The following RBFOX1 variants were observed in gnomAD, a reference collection of about 807,000 sequenced individuals.
RBFOX1 encodes RNA binding fox-1 homolog 1.
RBFOX1 carries 8 observed loss-of-function variants against 57.7 expected under a neutral mutation model. That is an observed-to-expected ratio of 0.14 (90% CI 0.08 to 0.25). The LOEUF is 0.25. RBFOX1 is among the 10% of genes least tolerant of loss of function. The pLI is 1.00. For missense variants in RBFOX1, 611 were observed against 548.5 expected (o/e 1.11, Z -1.14); for synonymous variants, 326 against 222.4 (o/e 1.47, Z -4.15).
intron 4 of RBFOX1, among the ~76,000 whole-genome samples, chr16:7,097,330 A>T (rs955361634): frequency 3.3e-5 from 5 of 152,064 alleles, no homozygotes; most frequent in African/African-American, 1.2e-4. Context: ...GGTCAGAGAG[A>T]GAGAGAGTTC....
At chr16:7,550,074 C>A (rs145570354) in intron 5 of RBFOX1, among the ~76,000 whole-genome samples, 8 of 152,124 alleles carry the variant, frequency 5.3e-5, no homozygotes, top group African/African-American at 1.9e-4. Context: ...GGAACACAGG[C>A]ACACAACACC....
intron 2 of RBFOX1, among the ~76,000 whole-genome samples, chr16:5,489,782 T>C (rs1277993459): frequency 6.6e-6 from 1 of 152,148 alleles, no homozygotes; most frequent in Non-Finnish European, 1.5e-5. Context: ...GGCAAATAGG[T>C]TCCTCAGGGT....
At chr16:6,814,002 C>A (rs553179015) in intron 3 of RBFOX1, among the ~76,000 whole-genome samples, 4 of 151,206 alleles carry the variant, frequency 2.6e-5, no homozygotes, top group African/African-American at 9.7e-5. Flanking sequence ...ATCTGAGGAC[C>A]GGTTCAGTGA....
chr16:5,447,706 C>G (rs182142411), intron 1 of RBFOX1, among the ~76,000 whole-genome samples: 1 of 152,226 alleles, frequency 6.6e-6, no homozygotes, highest in Admixed American at 6.5e-5. Context: ...GCCATTCTCT[C>G]TTTCTAGACT....
intron 3 of RBFOX1, among the ~76,000 whole-genome samples, chr16:6,693,863 G>T (rs142998803): frequency 6.6e-6 from 1 of 152,306 alleles, no homozygotes; most frequent in African/African-American, 2.4e-5. Flanking sequence ...CAATTCTTTA[G>T]TGTTCACAGA....
intron 2 of RBFOX1, among the ~76,000 whole-genome samples, chr16:6,576,012 T>C (rs781460281): frequency 6.6e-5 from 10 of 152,076 alleles, no homozygotes; most frequent in Admixed American, 1.3e-4. Flanking sequence ...AAGCAAAAAC[T>C]GTCAGGAGCA....
intron 3 of RBFOX1, among the ~76,000 whole-genome samples, chr16:5,761,231 T>G (rs551051650): frequency 1.1e-4 from 17 of 152,296 alleles, no homozygotes; most frequent in African/African-American, 3.8e-4. Flanking sequence ...TCTTGTATAT[T>G]AAGGTGACTT....
chr16:5,717,955 A>G (rs1417414169), intron 3 of RBFOX1, among the ~76,000 whole-genome samples: 3 of 152,198 alleles, frequency 2.0e-5, no homozygotes, highest in Non-Finnish European at 4.4e-5. Flanking sequence ...GCTTGATCAC[A>G]GTTCTTCACT....
chr16:5,482,900 A>G (rs981467939), intron 2 of RBFOX1, among the ~76,000 whole-genome samples: 1 of 152,214 alleles, frequency 6.6e-6, no homozygotes, highest in Non-Finnish European at 1.5e-5. Context: ...GGCCAAACAA[A>G]AAGAAAAGAA....
intron 4 of RBFOX1, among the ~76,000 whole-genome samples, chr16:7,221,068 A>C (rs12445717): frequency 0.39 from 59,077 of 151,614 alleles, 11,951 homozygotes; most frequent in East Asian, 0.66. Context: ...CGCTGTCTTC[A>C]TTAAAATGAA....
At chr16:5,348,537 G>T (rs1291915242) in intron 1 of RBFOX1, among the ~76,000 whole-genome samples, 3 of 152,178 alleles carry the variant, frequency 2.0e-5, no homozygotes, top group Non-Finnish European at 4.4e-5. Flanking sequence ...AGAAGTGGAG[G>T]AGCCTGGGTT....
At chr16:7,032,153 G>A (rs549558461) in intron 3 of RBFOX1, among the ~76,000 whole-genome samples, 33 of 152,100 alleles carry the variant, frequency 2.2e-4, no homozygotes, top group South Asian at 6.2e-4. Context: ...GGCGGGGTGC[G>A]GTGGCCCACA....
At chr16:6,685,247 A>T (rs1478421257) in intron 3 of RBFOX1, among the ~76,000 whole-genome samples, 1 of 150,510 alleles carries the variant, frequency 6.6e-6, no homozygotes, top group Admixed American at 6.6e-5. Flanking sequence ...ACTTCACGTA[A>T]GTGTACTAAG....
At chr16:6,786,321 A>C (rs1603623579) in intron 3 of RBFOX1, among the ~76,000 whole-genome samples, 1 of 152,116 alleles carries the variant, frequency 6.6e-6, no homozygotes, top group Admixed American at 6.5e-5. Flanking sequence ...TTCCCACATT[A>C]CAAAGGCCCA....
intron 5 of RBFOX1, among the ~76,000 whole-genome samples, chr16:7,570,186 G>A (rs1270138854): frequency 6.9e-6 from 1 of 144,990 alleles, no homozygotes. Flanking sequence ...TTTAAAAAGT[G>A]ACTTCTAAGA....
intron 1 of RBFOX1, among the ~76,000 whole-genome samples, chr16:6,200,457 A>G (rs762104805): frequency 3.9e-5 from 6 of 152,168 alleles, no homozygotes; most frequent in Non-Finnish European, 7.3e-5. Flanking sequence ...CTTGTTAGCA[A>G]GAGTGTATAC....
chr16:6,962,525 G>C (rs149247399), intron 3 of RBFOX1, among the ~76,000 whole-genome samples: 1 of 152,108 alleles, frequency 6.6e-6, no homozygotes, highest in Middle Eastern at 3.4e-3. Flanking sequence ...TACTTCAGAA[G>C]CTCAGAGGTC....
At chr16:7,026,350 G>C (rs1348195752) in intron 3 of RBFOX1, among the ~76,000 whole-genome samples, 1 of 152,172 alleles carries the variant, frequency 6.6e-6, no homozygotes, top group African/African-American at 2.4e-5. Flanking sequence ...CATGATGCAA[G>C]GGTTTTGCAA....
intron 2 of RBFOX1, among the ~76,000 whole-genome samples, chr16:6,571,283 G>A (rs574105331): frequency 3.3e-5 from 5 of 152,294 alleles, no homozygotes; most frequent in African/African-American, 9.6e-5. Flanking sequence ...GAGAACCACA[G>A]CAGGACTGGA....
Sources: allele counts gnomAD v4.1 joint callset (sites outside exome capture counted in the v4.1 genomes callset), GRCh38; gene constraint gnomAD v4.1.1; transcripts MANE v1.5; gene names NCBI Gene and HGNC (gene_info 2026-07-23, HGNC 2026-07-21).